CDH13: variants seen among roughly 807,000 people sequenced by gnomAD.
The protein encoded by CDH13 is cadherin-13.
A neutral mutation model predicts 63.8 loss-of-function variants in CDH13; 24 were observed. The observed-to-expected ratio is 0.38, with a 90% CI of 0.27 to 0.53. The LOEUF (loss-of-function observed/expected upper bound fraction) is 0.53, where lower values mean the gene tolerates loss of function less well. Ranked by LOEUF, CDH13 falls within the 20% of genes least tolerant of loss-of-function variation. CDH13 has a pLI of 0.85. For missense variants in CDH13, 1,049 were observed against 903.1 expected (o/e 1.16, Z -2.07); for synonymous variants, 503 against 355.3 (o/e 1.42, Z -4.67).
At chr16:83,490,069 T>C (rs957530465) in intron 7 of CDH13, among the ~76,000 whole-genome samples, 1 of 151,744 alleles carries the variant, frequency 6.6e-6, no homozygotes, top group African/African-American at 2.4e-5. Flanking sequence ...CACCTCTGGC[T>C]CTCACCTGAA....
intron 2 of CDH13, among the ~76,000 whole-genome samples, chr16:82,933,074 G>C (rs1434971831): frequency 6.6e-6 from 1 of 152,030 alleles, no homozygotes; most frequent in Non-Finnish European, 1.5e-5. Flanking sequence ...TCTTTAGGAA[G>C]GCTGAATCAA....
At chr16:83,470,230 G>C (rs944728435) in intron 6 of CDH13, among the ~76,000 whole-genome samples, 6 of 152,018 alleles carry the variant, frequency 3.9e-5, no homozygotes, top group African/African-American at 1.4e-4. Context: ...TTAGATTTTT[G>C]CTTTTTTTAG....
At chr16:83,664,219 C>T (rs1913719446) in intron 8 of CDH13, among the ~76,000 whole-genome samples, 1 of 151,980 alleles carries the variant, frequency 6.6e-6, no homozygotes, top group Non-Finnish European at 1.5e-5. Context: ...CTGGTGGGTT[C>T]CTGAATATTC....
chr16:82,804,765 A>AACAC (rs1428075468), intron 1 of CDH13, among the ~76,000 whole-genome samples: 1 of 152,226 alleles, frequency 6.6e-6, no homozygotes, highest in Non-Finnish European at 1.5e-5. Context: ...CAGAGAAGAA[A>AACAC]ACACTATGAA....
chr16:83,033,603 C>T (rs1916581025), intron 3 of CDH13, among the ~76,000 whole-genome samples: 1 of 152,176 alleles, frequency 6.6e-6, no homozygotes, highest in African/African-American at 2.4e-5. Flanking sequence ...GTTTGCCAGG[C>T]AGCAGTGCTT....
Position 83,211,240 on chromosome 16 carries a change from A to G in CDH13, c.484-6105A>G, listed in dbSNP as rs574654148. 7.2e-5 allele frequency among the ~76,000 whole-genome samples: 11 copies of G among 152,202 alleles called. No homozygotes were observed. The South Asian group carries it at 2.3e-3, about 32-fold the overall frequency. On this transcript the variant is annotated intron_variant, in intron 4 of 13. Transcript: ENST00000567109. ...AATAGTCAAGTATCAGTGTTAATTT[A>G]TCAGTTATGACCAATGTTCCATTTT...
rs74030708 is a variant in CDH13, at chr16:83,113,941, A to T, written c.367-11444A>T. Among the ~76,000 whole-genome samples, 412 of 152,234 alleles carry T rather than the reference A, an allele frequency of 2.7e-3. 3 individuals carry two copies. Among genetic ancestry groups the T allele is most frequent in the African/African-American group, 9.7e-3 (401 of 41,516 alleles). ...CATCCTTTGGCAAGGGGAAGCCTAT[A>T]TACCCTGTAGGCTTAATGACGGGGA... On this transcript the variant is annotated intron_variant, in intron 3 of 13. Coordinates refer to ENST00000567109, the MANE Select transcript of CDH13 (RefSeq NM_001257.5).
chr16:82,901,609 G>T (rs2041472189), intron 2 of CDH13, among the ~76,000 whole-genome samples: 1 of 152,250 alleles, frequency 6.6e-6, no homozygotes, highest in South Asian at 2.1e-4. Context: ...TATAATAATT[G>T]CTCAATATAT....
chr16:83,438,335 T>C (rs2072379610), intron 6 of CDH13, among the ~76,000 whole-genome samples: 1 of 152,240 alleles, frequency 6.6e-6, no homozygotes, highest in Non-Finnish European at 1.5e-5. Flanking sequence ...AAGCTCCCCA[T>C]TGTTGCCTAA....
chr16:82,854,469 A>T (rs981321640), intron 1 of CDH13, among the ~76,000 whole-genome samples: 6 of 151,838 alleles, frequency 4.0e-5, no homozygotes, highest in Admixed American at 2.0e-4. Context: ...TTCTACTATT[A>T]TTGACTAGTA....
chr16:82,864,161 G>C (rs1194629512), intron 2 of CDH13, among the ~76,000 whole-genome samples: 7 of 152,084 alleles, frequency 4.6e-5, no homozygotes, highest in Admixed American at 1.3e-4. Context: ...CACCCTTTTT[G>C]CTCTTCACTT....
chr16:83,514,002 A>T (rs139701612), intron 7 of CDH13, among the ~76,000 whole-genome samples: 3 of 152,306 alleles, frequency 2.0e-5, no homozygotes, highest in African/African-American at 7.2e-5. Context: ...AAAGTTCATC[A>T]TCAGGAGCTG....
chr16:83,504,803 A>G (rs2074360099), intron 7 of CDH13, among the ~76,000 whole-genome samples: 1 of 152,334 alleles, frequency 6.6e-6, no homozygotes, highest in South Asian at 2.1e-4. Flanking sequence ...TTTTTTAAAA[A>G]ATAACATTTG....
At chr16:83,104,552 A>T (rs574500396) in intron 3 of CDH13, among the ~76,000 whole-genome samples, 1 of 152,044 alleles carries the variant, frequency 6.6e-6, no homozygotes, top group African/African-American at 2.4e-5. Context: ...TGTCTTTAGC[A>T]AAAAAGGAAG....
intron 1 of CDH13, among the ~76,000 whole-genome samples, chr16:82,813,965 C>G (rs890942492): frequency 2.6e-5 from 4 of 152,092 alleles, no homozygotes; most frequent in African/African-American, 9.7e-5. Flanking sequence ...ATTGTCGAGA[C>G]CCATCTATTC....
chr16:83,489,000 C>A (rs1463814142), intron 7 of CDH13, among the ~76,000 whole-genome samples: 5 of 152,092 alleles, frequency 3.3e-5, no homozygotes, highest in African/African-American at 1.2e-4. Flanking sequence ...CTCTCTATTC[C>A]CCACTTGACA....
chr16:82,791,215 C>T (rs1436954237), intron 1 of CDH13, among the ~76,000 whole-genome samples: 8 of 128,956 alleles, frequency 6.2e-5, no homozygotes, highest in East Asian at 2.3e-4. Context: ...CCAGCCTGGG[C>T]GACAAAGCGA....
chr16:82,806,586 G>C (rs575696380), intron 1 of CDH13, among the ~76,000 whole-genome samples: 28 of 152,284 alleles, frequency 1.8e-4, no homozygotes, highest in African/African-American at 5.8e-4. Context: ...GTTAAGGAAA[G>C]GTCTTATTTA....
rs1425984238 is a variant in CDH13, at chr16:82,627,227, G to C, written c.45+90G>C. ...GGCAGGGTGAGGGGGCTTTCGGGGG[G>C]TCGGGGCCTCCGGTCGCGGCGGCGA... On this transcript the variant is annotated intron_variant, in intron 1 of 13. Transcript: ENST00000567109. 4 of 1,147,536 alleles carry C rather than the reference G, an allele frequency of 3.5e-6. No homozygotes were observed. In the African/African-American group the frequency reaches 6.1e-5, roughly 18 times the overall value. The allele number at this position is 1,147,536 out of a possible 1,614,324, so 71.1% of individuals were successfully genotyped here.
Sources: gnomAD v4.1 joint callset for allele counts (sites outside exome capture counted in the v4.1 genomes callset) on GRCh38, gnomAD v4.1.1 for gene constraint, MANE v1.5 for transcripts, NCBI Gene and HGNC (gene_info 2026-07-23, HGNC 2026-07-21) for gene names.